ELAVL4: variants seen among roughly 807,000 people sequenced by gnomAD.
ELAVL4 encodes ELAV like RNA binding protein 4, also known as ELAV-like protein 4.
ELAVL4 carries 1 observed loss-of-function variant against 35.6 expected under a neutral mutation model. The ratio of observed to expected loss-of-function variants is 0.03; its 90% confidence interval spans 0.01 to 0.13. ELAVL4 has a LOEUF of 0.13. Among genes scored for constraint, ELAVL4 ranks in the 10% least tolerant of loss-of-function variants. The pLI, the probability that ELAVL4 is intolerant of heterozygous loss-of-function variation, is 1.00. For missense variants in ELAVL4, 267 were observed against 464.9 expected (o/e 0.57, Z 3.91); for synonymous variants, 156 against 171.0 (o/e 0.91, Z 0.69).
At chr1:50,155,885 C>T (rs1315632421) in intron 2 of ELAVL4, among the ~76,000 whole-genome samples, 5 of 152,204 alleles carry the variant, frequency 3.3e-5, no homozygotes, top group African/African-American at 9.7e-5. Flanking sequence ...CACCTTTGCT[C>T]TTCCCAGTGC....
At chr1:50,144,557 T>TA (rs1220654285) in intron 1 of ELAVL4, 1 of 475,862 alleles carries the variant, frequency 2.1e-6, no homozygotes, top group African/African-American at 2.0e-5. Context: ...GTGAGTGTAG[T>TA]CCTCTATATT....
At chr1:50,106,069 C>A (rs1453500548), upstream of ELAVL4, 3 of 402,496 alleles carry the variant, frequency 7.5e-6, no homozygotes. Flanking sequence ...AAATACAATT[C>A]ACGCTTCCAT....
chr1:50,127,038 G>A (rs1557741595), intron 1 of ELAVL4, among the ~76,000 whole-genome samples: 1 of 151,908 alleles, frequency 6.6e-6, no homozygotes, highest in Non-Finnish European at 1.5e-5. Flanking sequence ...AAGAGTAAGA[G>A]AACGCTTAAA....
At chr1:50,063,373 T>C (rs1664099438) in intron 1 of ELAVL4, among the ~76,000 whole-genome samples, 1 of 152,194 alleles carries the variant, frequency 6.6e-6, no homozygotes, top group South Asian at 2.1e-4. Flanking sequence ...TATTTCCTGG[T>C]CATTGTCTAC....
chr1:50,172,153 C>G (rs931200792), intron 2 of ELAVL4, among the ~76,000 whole-genome samples: 2 of 152,126 alleles, frequency 1.3e-5, no homozygotes, highest in African/African-American at 4.8e-5. Context: ...TTCTGGCCAG[C>G]TTCTCTACTG....
intron 1 of ELAVL4, among the ~76,000 whole-genome samples, chr1:50,081,049 C>G (rs976324791): frequency 1.3e-5 from 2 of 152,124 alleles, no homozygotes; most frequent in African/African-American, 4.8e-5. Context: ...ATTAGAAGAG[C>G]TTCTAAAGGT....
intron 1 of ELAVL4, among the ~76,000 whole-genome samples, chr1:50,073,365 T>A (rs1285730984): frequency 6.6e-6 from 1 of 152,176 alleles, no homozygotes. Context: ...TTTTTATTAT[T>A]TTAAAAAATC....
Position 50,109,016 on chromosome 1 carries a change from C to CGCGGGGGGG in ELAVL4, c.-174_-173insGCGGGGGGG. On this transcript the variant is annotated 5_prime_UTR_variant, in exon 1 of 7. Coordinates refer to ENST00000371824, the MANE Select transcript of ELAVL4 (RefSeq NM_001144774.3). The stretch of plus-strand genomic sequence containing the variant: ...CTCCTTTTCTTTTTTTTCTTTCTCT[C>CGCGGGGGGG]CCCCGCCCACCCCCCCAAAAATAAT... The CGCGGGGGGG allele has an allele frequency of 1.1e-6, 1 of 905,796 alleles. No individual in the cohort carries two copies. The highest frequency in any genetic ancestry group is 1.3e-6 in the Non-Finnish European group (1 of 761,410). The allele number at this position is 905,796 out of a possible 1,614,324, so 56.1% of individuals were successfully genotyped here. A position where few individuals can be genotyped will look rare whatever the true frequency, so the allele number is the denominator to read the frequency against.
upstream of ELAVL4, among the ~76,000 whole-genome samples, chr1:50,102,640 A>G (rs1666049232): frequency 6.6e-6 from 1 of 152,128 alleles, no homozygotes; most frequent in Non-Finnish European, 1.5e-5. Context: ...ATGAATAGCT[A>G]CTCCATACTT....
chr1:50,161,784 G>T (rs534810218), intron 2 of ELAVL4, among the ~76,000 whole-genome samples: 21 of 152,264 alleles, frequency 1.4e-4, no homozygotes, highest in Admixed American at 1.1e-3. Flanking sequence ...GGAGTGCAAG[G>T]GCAGGATCGT....
intron 2 of ELAVL4, among the ~76,000 whole-genome samples, chr1:50,153,640 A>G (rs1283991800): frequency 6.6e-6 from 1 of 152,244 alleles, no homozygotes; most frequent in African/African-American, 2.4e-5. Context: ...AGATTGTAGG[A>G]GACCAGTCCA....
chr1:50,162,386 T>C (rs932979347), intron 2 of ELAVL4, among the ~76,000 whole-genome samples: 1 of 152,170 alleles, frequency 6.6e-6, no homozygotes, highest in African/African-American at 2.4e-5. Context: ...TAGGGTCTAT[T>C]GAGAAATACA....
Position 50,048,094 on chromosome 1 carries a change from C to T in ELAVL4, c.-71C>T, listed in dbSNP as rs541195501. 386 of 1,443,216 alleles carry T rather than the reference C, an allele frequency of 2.7e-4. 1 individual carries two copies. The South Asian group carries it at 5.1e-3, about 19-fold the overall frequency. The allele number at this position is 1,443,216 out of a possible 1,614,324, so 89.4% of individuals were successfully genotyped here. A position where few individuals can be genotyped will look rare whatever the true frequency, so the allele number is the denominator to read the frequency against. ...AGCGAGAGCGGTGAGACTCTGCGGA[C>T]GTCTTCCCGCCCGCCGCGCTCCGCC... On this transcript the variant is annotated 5_prime_UTR_variant, in exon 1 of 7. Coordinates refer to the ELAVL4 transcript ENST00000448907.
intron 2 of ELAVL4, among the ~76,000 whole-genome samples, chr1:50,158,061 G>A (rs1291829160): frequency 6.6e-6 from 1 of 152,080 alleles, no homozygotes; most frequent in African/African-American, 2.4e-5. Flanking sequence ...TGTGTAACAG[G>A]CAAATTTTTA....
chr1:50,123,303 C>G, intron 1 of ELAVL4, among the ~76,000 whole-genome samples: 1 of 151,954 alleles, frequency 6.6e-6, no homozygotes, highest in East Asian at 1.9e-4. Flanking sequence ...TACCAAGTGG[C>G]TCAGGGTACA....
chr1:50,128,559 A>T (rs760061847), intron 1 of ELAVL4, among the ~76,000 whole-genome samples: 11 of 152,236 alleles, frequency 7.2e-5, no homozygotes, highest in Middle Eastern at 3.4e-3. Context: ...ATAGAGAAAG[A>T]TAGGAGGCTG....
At chr1:50,114,754 C>T (rs1667666903) in intron 1 of ELAVL4, among the ~76,000 whole-genome samples, 1 of 152,050 alleles carries the variant, frequency 6.6e-6, no homozygotes, top group Admixed American at 6.6e-5. Context: ...CTGGGGGCAC[C>T]ACAGATAAGC....
At position 50,146,187 on chromosome 1, in the gene ELAVL4, T is replaced by C. The variant is rs137859590; in HGVS notation, c.250+990T>C. Among the ~76,000 whole-genome samples, 40 of 152,202 alleles carry C rather than the reference T, an allele frequency of 2.6e-4. No individual in the cohort carries two copies. The East Asian group carries it at 6.9e-3, about 26-fold the overall frequency. Reference sequence around the variant, plus strand: ...TTTTTTAAAAAGGAAGCTGCATCATTAAAATAGGGATATACATCATCTTTA... The same window carrying C: ...TTTTTTAAAAAGGAAGCTGCATCATCAAAATAGGGATATACATCATCTTTA... On this transcript the variant is annotated intron_variant, in intron 2 of 6. Transcript: ENST00000371824.
At chr1:50,054,200 T>G (rs191481227) in intron 1 of ELAVL4, among the ~76,000 whole-genome samples, 1 of 152,382 alleles carries the variant, frequency 6.6e-6, no homozygotes, top group Non-Finnish European at 1.5e-5. Flanking sequence ...TGTTGAATGT[T>G]TCTTTGGCAA....
Sources: allele counts gnomAD v4.1 joint callset (sites outside exome capture counted in the v4.1 genomes callset), GRCh38; gene constraint gnomAD v4.1.1; transcripts MANE v1.5; gene names NCBI Gene and HGNC (gene_info 2026-07-23, HGNC 2026-07-21).